CSNK1A1: variants seen among roughly 807,000 people sequenced by gnomAD.
CSNK1A1 encodes casein kinase I isoform alpha.
In CSNK1A1, 7 loss-of-function variants were observed where a neutral mutation model predicts 46.1. The ratio of observed to expected loss-of-function variants is 0.15; its 90% CI spans 0.09 to 0.29. The LOEUF (loss-of-function observed/expected upper bound fraction) is 0.29. Ranked by LOEUF, CSNK1A1 falls within the 10% of genes least tolerant of loss-of-function variation. The probability of loss-of-function intolerance (pLI) is 1.00; values close to 1 mark genes in which losing one functional copy is unlikely to be tolerated. For synonymous variants in CSNK1A1, 137 were observed against 141.5 expected (o/e 0.97, Z 0.23); for missense variants, 96 against 417.1 (o/e 0.23, Z 6.71).
At chr5:149,516,973 A>C (rs1192490303) in intron 4 of CSNK1A1, among the ~76,000 whole-genome samples, 1 of 152,220 alleles carries the variant, frequency 6.6e-6, no homozygotes. Context: ...CTGAATGATT[A>C]AGATTCATTT....
At chr5:149,543,635 C>T (rs1034769793) in intron 2 of CSNK1A1, among the ~76,000 whole-genome samples, 1 of 152,072 alleles carries the variant, frequency 6.6e-6, no homozygotes, top group African/African-American at 2.4e-5. Context: ...GATTAAGCTG[C>T]TTTTAAAAGT....
At chr5:149,529,609 A>C in intron 2 of CSNK1A1, 1 of 445,456 alleles carries the variant, frequency 2.2e-6, no homozygotes, top group Middle Eastern at 3.3e-4. Context: ...CTTACCAGGC[A>C]GGGGCAAACC....
Position 149,525,222 on chromosome 5 carries a change from TATC to T in CSNK1A1, c.231-54_231-52del. ...GATATTACAAAAAGCTATTACTTAA[TATC>T]ATCAACCCTAAGAATAATATAGTTT... is the stretch of plus-strand genomic sequence containing the variant. On this transcript the variant is annotated intron_variant, in intron 2 of 9. Coordinates refer to ENST00000377843, the MANE Select transcript of CSNK1A1 (RefSeq NM_001892.6). This position sits in a 1 kb window ranked among gnomAD's most constrained non-coding sequence, Gnocchi z 4.2. 1 of 1,500,966 alleles carries T rather than the reference TATC, an allele frequency of 6.7e-7. No homozygotes were observed. The highest frequency in any genetic ancestry group is 8.9e-7 in the Non-Finnish European group (1 of 1,119,076). The allele number at this position is 1,500,966 out of a possible 1,614,324, so 93.0% of individuals were successfully genotyped here. A position where few individuals can be genotyped will look rare whatever the true frequency, so the allele number is the denominator to read the frequency against.
chr5:149,518,770 G>T (rs1019827603), intron 4 of CSNK1A1, among the ~76,000 whole-genome samples: 1 of 149,446 alleles, frequency 6.7e-6, no homozygotes, highest in Admixed American at 6.7e-5. Context: ...ACAACTATGC[G>T]ATTAACAAGC....
At chr5:149,544,704 AG>A (rs1362126506) in intron 2 of CSNK1A1, among the ~76,000 whole-genome samples, 1 of 138,158 alleles carries the variant, frequency 7.2e-6, no homozygotes, top group Non-Finnish European at 1.5e-5. Context: ...CTTCCTCCTC[AG>A]CCCAAAGTGA....
intron 2 of CSNK1A1, among the ~76,000 whole-genome samples, chr5:149,542,614 A>G (rs1361533575): frequency 9.3e-4 from 11 of 11,872 alleles, no homozygotes; most frequent in East Asian, 0.013. Context: ...ATATATATAT[A>G]TATATATATA....
chr5:149,523,372 G>A (rs991680113), intron 3 of CSNK1A1, among the ~76,000 whole-genome samples: 16 of 151,340 alleles, frequency 1.1e-4, no homozygotes, highest in African/African-American at 3.6e-4. Flanking sequence ...AAAAGAGATG[G>A]GGTCTTTGCT....
At chr5:149,496,955 T>A (rs1760672362) in intron 9 of CSNK1A1, 95 bp from the exon 10 acceptor site, 2 of 1,495,322 alleles carry the variant, frequency 1.3e-6, no homozygotes, top group Non-Finnish European at 1.8e-6. Flanking sequence ...ACTGAGCCAA[T>A]AATTATAGTG....
In CSNK1A1 at chr5:149,529,579, A is replaced by G. The variant is rs554897203; in HGVS notation, c.231-4408T>C. The G allele has an allele frequency of 2.0e-5, 8 of 408,518 alleles. No homozygotes were observed. The East Asian group carries it at 5.2e-4, about 27-fold the overall frequency. 25.3% of individuals were successfully genotyped at this position (408,518 alleles called of 1,614,324 possible). ...ATCCTGAAGGATGAACAGTGTTTTG[A>G]TAAGTAAGGCAGAAAAGGGCTTACC... is the stretch of plus-strand genomic sequence containing the variant. On this transcript the variant is annotated intron_variant, in intron 2 of 9. Transcript: ENST00000377843.
chr5:149,517,710 A>T lies in CSNK1A1; in HGVS notation c.456+2580T>A. On this transcript the variant is annotated intron_variant, in intron 4 of 9. Coordinates refer to ENST00000377843, the MANE Select transcript of CSNK1A1 (RefSeq NM_001892.6). The surrounding 1 kb of genome is among the most constrained non-coding windows in gnomAD (Gnocchi z 4.4). ...ATCTACATTCTCCAGAATTAAAACA[A>T]AACAAAAATCATCAAAATAAAACAA... 1.1e-6 allele frequency: 1 copy of T among 940,296 alleles called. No individual in the cohort carries two copies. Among genetic ancestry groups the T allele is most frequent in the Non-Finnish European group, 1.6e-6 (1 of 607,474 alleles). 58.2% of individuals were successfully genotyped at this position (940,296 alleles called of 1,614,324 possible). A position where few individuals can be genotyped will look rare whatever the true frequency, so the allele number is the denominator to read the frequency against.
intron 2 of CSNK1A1, among the ~76,000 whole-genome samples, chr5:149,542,193 A>G (rs1164821168): frequency 1.4e-4 from 22 of 151,854 alleles, no homozygotes; most frequent in Non-Finnish European, 7.4e-5. Context: ...TGTGAACTGC[A>G]CATCAGAGGG....
At chr5:149,537,490 A>G (rs1365755151) in intron 2 of CSNK1A1, among the ~76,000 whole-genome samples, 1 of 152,100 alleles carries the variant, frequency 6.6e-6, no homozygotes. Flanking sequence ...ACTACCCTCA[A>G]CAGCTTGATA....
At chr5:149,518,229 G>C (rs1222908342) in intron 4 of CSNK1A1, among the ~76,000 whole-genome samples, 1 of 151,868 alleles carries the variant, frequency 6.6e-6, no homozygotes, top group Non-Finnish European at 1.5e-5. Context: ...AAAAAATATT[G>C]TACGGGGGAA....
chr5:149,505,669 G>C, intron 8 of CSNK1A1, 74 bp from the exon 9 acceptor site: 1 of 1,221,530 alleles, frequency 8.2e-7, no homozygotes, highest in South Asian at 1.3e-5. Context: ...AACTTTTTAA[G>C]ACAGTGACAG....
At chr5:149,543,485 T>A (rs1204703697) in intron 2 of CSNK1A1, among the ~76,000 whole-genome samples, 5 of 150,870 alleles carry the variant, frequency 3.3e-5, no homozygotes, top group Non-Finnish European at 7.4e-5. Flanking sequence ...TACGTTTTTC[T>A]GGTTTTTTTT....
Position 149,551,050 on chromosome 5 carries a change from G to C in CSNK1A1, c.-86C>G, listed in dbSNP as rs530910618. On this transcript the variant is annotated 5_prime_UTR_variant, in exon 1 of 10. Coordinates refer to ENST00000377843, the MANE Select transcript of CSNK1A1 (RefSeq NM_001892.6). ...GCCTCGGGGCTCCTACACTAGGCAA[G>C]GCTACGGAGGAGGGCGGCAGGAAAC... 4.0e-6 allele frequency: 6 copies of C among 1,483,454 alleles called. No homozygotes were observed. The highest frequency in any genetic ancestry group is 1.9e-5 in the Admixed American group (1 of 52,752). The allele number at this position is 1,483,454 out of a possible 1,614,324, so 91.9% of individuals were successfully genotyped here. A position where few individuals can be genotyped will look rare whatever the true frequency, so the allele number is the denominator to read the frequency against.
At chr5:149,542,638 A>ATATATATATG (rs1762309881) in intron 2 of CSNK1A1, among the ~76,000 whole-genome samples, 3 of 12,886 alleles carry the variant, frequency 2.3e-4, no homozygotes, top group African/African-American at 9.7e-4. Flanking sequence ...ATATATATAT[A>ATATATATATG]TGTATATATA....
At chr5:149,518,164 A>G (rs1362131187) in intron 4 of CSNK1A1, among the ~76,000 whole-genome samples, 1 of 152,208 alleles carries the variant, frequency 6.6e-6, no homozygotes. Flanking sequence ...TTTTAATCAA[A>G]AATGGGGAAT....
rs149885521 is a variant in CSNK1A1, at chr5:149,549,780, C to T, written c.230+295G>A. On this transcript the variant is annotated intron_variant, in intron 2 of 9. Coordinates refer to ENST00000377843, the MANE Select transcript of CSNK1A1 (RefSeq NM_001892.6). ...GTGCCGCCGTAAAAAAGGCAGCAGCCAACCCTTCCGCGTAGGGATCAAAGA... is the reference window on the plus strand; with the variant it reads ...GTGCCGCCGTAAAAAAGGCAGCAGCTAACCCTTCCGCGTAGGGATCAAAGA... Among the ~76,000 whole-genome samples the T allele has an allele frequency of 2.8e-4, 42 of 152,328 alleles. 1 individual carries two copies. In the East Asian group the frequency reaches 7.9e-3, roughly 29 times the overall value.
Sources: allele counts gnomAD v4.1 joint callset (sites outside exome capture counted in the v4.1 genomes callset), GRCh38; gene constraint gnomAD v4.1.1; non-coding constraint Gnocchi (gnomAD v3.1); transcripts MANE v1.5; gene names NCBI Gene and HGNC (gene_info 2026-07-23, HGNC 2026-07-21).